The following KCNH7 variants were observed in gnomAD, a reference collection of about 807,000 sequenced individuals.
KCNH7 encodes the protein voltage-gated inwardly rectifying potassium channel KCNH7.
KCNH7 carries 49 observed loss-of-function variants against 120.8 expected under a neutral mutation model. The ratio of observed to expected loss-of-function variants is 0.41; its 90% CI spans 0.32 to 0.51. The LOEUF is 0.51. Ranked by LOEUF, KCNH7 falls within the 20% of genes least tolerant of loss-of-function variation. The pLI is 0.38. For missense variants in KCNH7, 1,097 were observed against 1,446.6 expected, an observed-to-expected ratio of 0.76 and a Z score of 3.92; for synonymous variants, 547 against 516.1, an observed-to-expected ratio of 1.06 and a Z score of -0.81.
chr2:162,690,100 G>A (rs1433217436), intron 2 of KCNH7, among the ~76,000 whole-genome samples: 1 of 152,240 alleles, frequency 6.6e-6, no homozygotes, highest in African/African-American at 2.4e-5. Flanking sequence ...GGAGCTGGAG[G>A]CTATTATCCT....
chr2:162,706,769 C>T (rs571296257), intron 2 of KCNH7, among the ~76,000 whole-genome samples: 1 of 152,192 alleles, frequency 6.6e-6, no homozygotes, highest in South Asian at 2.1e-4. Flanking sequence ...AGGGAAGAGG[C>T]TTGGCATAAT....
intron 2 of KCNH7, among the ~76,000 whole-genome samples, chr2:162,763,728 AGTGTGTGT>A (rs72350942): frequency 0.073 from 10,106 of 139,040 alleles, 520 homozygotes; most frequent in African/African-American, 0.15. Flanking sequence ...AGGCATTTGC[AGTGTGTGT>A]GTGTGTGTGT....
At chr2:162,399,444 C>T (rs1029937456) in intron 10 of KCNH7, among the ~76,000 whole-genome samples, 4 of 151,488 alleles carry the variant, frequency 2.6e-5, no homozygotes, top group Admixed American at 2.0e-4. Context: ...CATATGTATA[C>T]GTGTGCCATG....
At chr2:162,456,613 T>C (rs971485771) in intron 6 of KCNH7, among the ~76,000 whole-genome samples, 1 of 152,136 alleles carries the variant, frequency 6.6e-6, no homozygotes, top group African/African-American at 2.4e-5. Context: ...TGTTAAAGTC[T>C]CCCACTATTA....
At position 162,493,938 on chromosome 2, in the gene KCNH7, C is replaced by A. The variant is rs1346108544; in HGVS notation, c.1128+10505G>T. ...GAAATTCTGTGTGTGAACATATTGA[C>A]CAACTTCAAAAAGGTACTATATAGT... On this transcript the variant is annotated intron_variant, in intron 6 of 15. Transcript: ENST00000332142. 2.6e-5 allele frequency among the ~76,000 whole-genome samples: 4 copies of A among 152,128 alleles called. No individual in the cohort carries two copies. In the East Asian group the frequency reaches 7.7e-4, roughly 29 times the overall value.
At chr2:162,388,788 G>A (rs758291308) in intron 12 of KCNH7, among the ~76,000 whole-genome samples, 52 of 151,890 alleles carry the variant, frequency 3.4e-4, no homozygotes, top group Non-Finnish European at 6.9e-4. Context: ...GGATGGCAAT[G>A]GAAAATCACT....
chr2:162,719,611 C>A (rs1034344624), intron 2 of KCNH7, among the ~76,000 whole-genome samples: 1 of 151,940 alleles, frequency 6.6e-6, no homozygotes, highest in African/African-American at 2.4e-5. Flanking sequence ...ACTAGGAAAA[C>A]CAGTTTTAAA....
intron 2 of KCNH7, among the ~76,000 whole-genome samples, chr2:162,648,369 G>A (rs1390969799): frequency 6.6e-6 from 1 of 152,118 alleles, no homozygotes; most frequent in Admixed American, 6.6e-5. Context: ...ACAGGAAAGG[G>A]GAAGTCCGCC....
intron 2 of KCNH7, among the ~76,000 whole-genome samples, chr2:162,770,889 A>T (rs1683024696): frequency 6.6e-6 from 1 of 151,986 alleles, no homozygotes; most frequent in South Asian, 2.1e-4. Context: ...CTTCCTAAAA[A>T]ATTTCTCCTC....
intron 2 of KCNH7, among the ~76,000 whole-genome samples, chr2:162,607,984 A>G (rs1682837485): frequency 6.6e-6 from 1 of 152,130 alleles, no homozygotes. Flanking sequence ...ACAAAATCTG[A>G]CTTATTCTTT....
intron 6 of KCNH7, among the ~76,000 whole-genome samples, chr2:162,458,240 AT>A (rs1689037635): frequency 6.6e-6 from 1 of 152,248 alleles, no homozygotes; most frequent in Middle Eastern, 3.4e-3. Context: ...AATATGAAAA[AT>A]ATCTGCTTCA....
At chr2:162,531,732 A>G (rs1691932212) in intron 3 of KCNH7, among the ~76,000 whole-genome samples, 1 of 151,962 alleles carries the variant, frequency 6.6e-6, no homozygotes. Context: ...GTTCAGGGAA[A>G]AACATTTAAC....
intron 6 of KCNH7, among the ~76,000 whole-genome samples, chr2:162,450,683 G>A (rs1230005323): frequency 6.6e-6 from 1 of 151,964 alleles, no homozygotes; most frequent in Non-Finnish European, 1.5e-5. Context: ...GGCCTTCTGA[G>A]AACATTTCTT....
intron 3 of KCNH7, among the ~76,000 whole-genome samples, chr2:162,523,707 C>CA (rs1174892664): frequency 6.6e-6 from 1 of 151,724 alleles, no homozygotes; most frequent in Admixed American, 6.6e-5. Flanking sequence ...TGTGGAAAAA[C>CA]AAAAAATCTC....
Position 162,372,000 on chromosome 2 carries a change from C to G in KCNH7, c.3420G>C (p.Leu1140Phe). Residue 1140 changes from leucine to phenylalanine, a missense_variant, in exon 16 of 16, where the codon TTG becomes TTC. Coordinates refer to ENST00000332142, the MANE Select transcript of KCNH7 (RefSeq NM_033272.4). The stretch of plus-strand genomic sequence containing the variant: ...CACTGTCTTGTTTTAAAAGTGAAGT[C>G]AAGTTGTCTTCTGAAGCTGTGTTCA... ...VHLNTASEDN[L>F]TSLLKQDSDL... The G allele has an allele frequency of 1.2e-6, 2 of 1,613,762 alleles. No individual in the cohort carries two copies. Among genetic ancestry groups the G allele is most frequent in the Non-Finnish European group, 8.5e-7 (1 of 1,179,860 alleles).
intron 6 of KCNH7, among the ~76,000 whole-genome samples, chr2:162,494,940 T>C (rs1228810813): frequency 6.6e-6 from 1 of 152,180 alleles, no homozygotes; most frequent in Non-Finnish European, 1.5e-5. Flanking sequence ...TGTTGATCCT[T>C]GTTTTGTTTT....
At chr2:162,649,360 T>C (rs1405863624) in intron 2 of KCNH7, among the ~76,000 whole-genome samples, 1 of 152,216 alleles carries the variant, frequency 6.6e-6, no homozygotes, top group African/African-American at 2.4e-5. Flanking sequence ...TGTTAGAGAA[T>C]AAAAGTATGC....
chr2:162,807,983 T>C (rs1684609933), intron 2 of KCNH7, among the ~76,000 whole-genome samples: 1 of 152,162 alleles, frequency 6.6e-6, no homozygotes. Flanking sequence ...CTCCCAGCCA[T>C]CTTTTCATCC....
chr2:162,441,719 C>G (rs1688420065), intron 7 of KCNH7, among the ~76,000 whole-genome samples: 1 of 151,950 alleles, frequency 6.6e-6, no homozygotes, highest in African/African-American at 2.4e-5. Context: ...GAGACTGAGC[C>G]AATAACATTA....
Sources: gnomAD v4.1 joint callset for allele counts (sites outside exome capture counted in the v4.1 genomes callset) on GRCh38, gnomAD v4.1.1 for gene constraint, MANE v1.5 for transcripts, NCBI Gene and HGNC (gene_info 2026-07-23, HGNC 2026-07-21) for gene names.